Variants in TBCK observed in about 807,000 individuals in gnomAD.
TBCK encodes TBC1 domain containing kinase.
In TBCK, 99 loss-of-function variants were observed where a neutral mutation model predicts 113.4. The ratio of observed to expected loss-of-function variants is 0.87; its 90% CI spans 0.74 to 1.03. TBCK has a LOEUF of 1.03. TBCK is among the 50% of genes least tolerant of loss of function. The pLI, the probability that TBCK is intolerant of heterozygous loss-of-function variation, is 0.00. For missense variants in TBCK, 1,045 were observed against 1,061.3 expected (o/e 0.98, Z 0.21); for synonymous variants, 369 against 370.8 (o/e 1.00, Z 0.05).
intron 22 of TBCK, 111 bp downstream of exon 22, chr4:106,193,498 A>AG (rs1427288741): frequency 2.1e-5 from 23 of 1,118,140 alleles, no homozygotes; most frequent in Middle Eastern, 2.9e-4. Context: ...ATGAGGCCCA[A>AG]ACAGAAGAGA....
At chr4:106,089,314 A>G (rs1275687856) in intron 25 of TBCK, among the ~76,000 whole-genome samples, 1 of 152,190 alleles carries the variant, frequency 6.6e-6, no homozygotes, top group Non-Finnish European at 1.5e-5. Flanking sequence ...GCACCAAACC[A>G]TTCATGAGCG....
At chr4:106,121,157 C>A (rs1283760962) in intron 23 of TBCK, among the ~76,000 whole-genome samples, 5 of 151,272 alleles carry the variant, frequency 3.3e-5, no homozygotes, top group South Asian at 4.2e-4. Context: ...CACATAGGCT[C>A]AAAATAAAAG....
chr4:106,122,869 C>G (rs534911511), intron 23 of TBCK, among the ~76,000 whole-genome samples: 1 of 152,040 alleles, frequency 6.6e-6, no homozygotes, highest in Non-Finnish European at 1.5e-5. Flanking sequence ...ATTGATGGGA[C>G]GTATTTCAAA....
rs1750975082 is a variant in TBCK at position 106,171,258 on chromosome 4, T to C, written c.2072A>G (p.Glu691Gly). ...LFSDLPEIDI[E>G]RCVRESINLF... ...GTTGATAGATTCTCTCACACAGCGT[T>C]CAATGTCAATTTCTAGATAGAAATG... Residue 691 changes from glutamate (E) to glycine (G), a missense_variant, in exon 23 of 26, where the codon GAA (glutamate) becomes GGA (glycine). Transcript: ENST00000394708. The C allele has an allele frequency of 6.2e-7, 1 of 1,600,978 alleles. No individual in the cohort carries two copies. Among genetic ancestry groups the C allele is most frequent in the African/African-American group, 1.3e-5 (1 of 74,348 alleles).
At position 106,250,454 on chromosome 4, in the gene TBCK, C is replaced by A; in HGVS notation, c.622G>T (p.Asp208Tyr). ...AAAAATTTTAGTCTTTCAGAAATAT[C>A]CAAGCTCTGAAATAATTTTCTTCCC... ...CVGRKLFQSL[D>Y]ISERLKFLLT... Residue 208 changes from aspartate (D) to tyrosine (Y), a missense_variant, in exon 7 of 26, where the codon GAT becomes TAT. Physicochemically the swap from Asp to Tyr is radical, Grantham distance 160. Coordinates refer to ENST00000394708, the MANE Select transcript of TBCK (RefSeq NM_001163435.3). 6.4e-7 allele frequency: 1 copy of A among 1,563,998 alleles called. No individual in the cohort carries two copies.
chr4:106,073,624 G>A (rs900853008), intron 25 of TBCK, among the ~76,000 whole-genome samples: 1 of 152,184 alleles, frequency 6.6e-6, no homozygotes, highest in African/African-American at 2.4e-5. Context: ...ATACCATGCT[G>A]GGAGAACGAC....
At chr4:106,112,976 C>A (rs1743035008) in intron 24 of TBCK, among the ~76,000 whole-genome samples, 1 of 152,108 alleles carries the variant, frequency 6.6e-6, no homozygotes, top group African/African-American at 2.4e-5. Flanking sequence ...GGACTAGAAC[C>A]TAATCAGTTA....
In TBCK at chr4:106,171,201, T is replaced by C; in HGVS notation, c.2129A>G (p.Tyr710Cys). ...LFCWTPKSAT[Y>C]RQHAQPPKPS... The stretch of plus-strand genomic sequence containing the variant: ...CTTTGGAGGTTGAGCATGCTGTCTG[T>C]AAGTAGCACTTTTAGGAGTCCAACA... Residue 710 changes from tyrosine to cysteine, a missense_variant, in exon 23 of 26, where the codon TAC (tyrosine) becomes TGC (cysteine). Physicochemically the swap from Tyr to Cys is radical, Grantham distance 194. Coordinates refer to ENST00000394708, the MANE Select transcript of TBCK (RefSeq NM_001163435.3). 1 of 1,612,840 alleles carries C rather than the reference T, an allele frequency of 6.2e-7. No homozygotes were observed. Among genetic ancestry groups the C allele is most frequent in the South Asian group, 1.1e-5 (1 of 90,898 alleles).
chr4:106,201,600 T>C (rs1195502446), intron 20 of TBCK, among the ~76,000 whole-genome samples: 2 of 151,976 alleles, frequency 1.3e-5, no homozygotes, highest in African/African-American at 2.4e-5. Flanking sequence ...AGAGTAGTGA[T>C]ATTTAGCATT....
chr4:106,274,357 G>A (rs1273040709), intron 3 of TBCK, among the ~76,000 whole-genome samples: 3 of 152,044 alleles, frequency 2.0e-5, no homozygotes, highest in Non-Finnish European at 2.9e-5. Flanking sequence ...CTAAAAGCAG[G>A]TATTCAATCA....
At chr4:106,160,940 G>T in intron 23 of TBCK, among the ~76,000 whole-genome samples, 1 of 148,434 alleles carries the variant, frequency 6.7e-6, no homozygotes, top group East Asian at 2.0e-4. Flanking sequence ...GCCTTAAGAA[G>T]AAAAAAAAAA....
chr4:106,216,942 G>C (rs1005830709), intron 19 of TBCK, among the ~76,000 whole-genome samples: 6 of 152,122 alleles, frequency 3.9e-5, no homozygotes, highest in Admixed American at 2.6e-4. Flanking sequence ...CAATATCCTT[G>C]ATGAACATTG....
chr4:106,107,994 T>C (rs992500479), intron 24 of TBCK, among the ~76,000 whole-genome samples: 7 of 151,890 alleles, frequency 4.6e-5, no homozygotes, highest in African/African-American at 9.7e-5. Context: ...TGTACACAAA[T>C]AGAAAACCTA....
At chr4:106,123,244 C>A (rs1160294046) in intron 23 of TBCK, among the ~76,000 whole-genome samples, 3 of 152,032 alleles carry the variant, frequency 2.0e-5, no homozygotes, top group African/African-American at 4.8e-5. Context: ...AAACAGAGAG[C>A]CAAATCATGA....
chr4:106,124,203 C>A (rs1412098534), intron 23 of TBCK, among the ~76,000 whole-genome samples: 1 of 152,204 alleles, frequency 6.6e-6, no homozygotes, highest in African/African-American at 2.4e-5. Flanking sequence ...CATGAACAGA[C>A]ACTTCTCAAA....
At chr4:106,275,259 G>C (rs979342627) in intron 3 of TBCK, among the ~76,000 whole-genome samples, 5 of 152,106 alleles carry the variant, frequency 3.3e-5, no homozygotes, top group African/African-American at 4.8e-5. Context: ...TAGCCAATTA[G>C]AAATATAAGA....
chr4:106,133,510 G>C (rs2149628470), intron 23 of TBCK, among the ~76,000 whole-genome samples: 1 of 152,266 alleles, frequency 6.6e-6, no homozygotes, highest in East Asian at 1.9e-4. Flanking sequence ...TCATTAAATA[G>C]GACAGGCTTT....
intron 20 of TBCK, among the ~76,000 whole-genome samples, chr4:106,196,584 C>T (rs902156390): frequency 6.6e-6 from 1 of 151,900 alleles, no homozygotes; most frequent in Non-Finnish European, 1.5e-5. Context: ...TGAAATAAAA[C>T]CCACTCATCT....
intron 23 of TBCK, among the ~76,000 whole-genome samples, chr4:106,121,710 A>G (rs1268759450): frequency 6.6e-6 from 1 of 152,254 alleles, no homozygotes; most frequent in African/African-American, 2.4e-5. Context: ...AGAACTCAGG[A>G]TTAAGAATCT....
Sources: gnomAD v4.1 joint callset for allele counts (sites outside exome capture counted in the v4.1 genomes callset) on GRCh38, gnomAD v4.1.1 for gene constraint, MANE v1.5 for transcripts, NCBI Gene and HGNC (gene_info 2026-07-23, HGNC 2026-07-21) for gene names.